Variants in CDC16 observed in about 807,000 individuals in gnomAD.
CDC16 encodes cell division cycle protein 16 homolog.
CDC16 carries 34 observed loss-of-function variants against 87.0 expected under a neutral mutation model. The ratio of observed to expected loss-of-function variants is 0.39; its 90% CI spans 0.30 to 0.52. The LOEUF is 0.52. Ranked by LOEUF, CDC16 falls within the 20% of genes least tolerant of loss-of-function variation. The probability of loss-of-function intolerance (pLI) is 0.74; values close to 1 mark genes in which losing one functional copy is unlikely to be tolerated. For missense variants in CDC16, 653 were observed against 751.9 expected (o/e 0.87, Z 1.54); for synonymous variants, 263 against 260.6 (o/e 1.01, Z -0.09).
At chr13:114,255,141 G>T (rs1166331071) in intron 12 of CDC16, among the ~76,000 whole-genome samples, 2 of 152,158 alleles carry the variant, frequency 1.3e-5, no homozygotes, top group African/African-American at 4.8e-5. Flanking sequence ...TAGCATAAAG[G>T]ACTCCCTTTA....
At chr13:114,239,863 G>A (rs550667059) in intron 5 of CDC16, among the ~76,000 whole-genome samples, 1 of 152,116 alleles carries the variant, frequency 6.6e-6, no homozygotes, top group South Asian at 2.1e-4. Context: ...AAATGGTTTT[G>A]TGTTCTGTTT....
intron 13 of CDC16, among the ~76,000 whole-genome samples, chr13:114,257,499 G>A (rs1368870813): frequency 6.6e-6 from 1 of 152,148 alleles, no homozygotes; most frequent in Non-Finnish European, 1.5e-5. Flanking sequence ...ATACCCCACA[G>A]TGTGGCTGGG....
At chr13:114,266,642 C>T (rs1324910211) in intron 17 of CDC16, among the ~76,000 whole-genome samples, 1 of 152,120 alleles carries the variant, frequency 6.6e-6, no homozygotes, top group Non-Finnish European at 1.5e-5. Flanking sequence ...CAGTTTTTCT[C>T]TGCATGTGTT....
intron 7 of CDC16, 133 bp downstream of exon 7, chr13:114,243,481 T>G: frequency 2.0e-6 from 1 of 507,410 alleles, no homozygotes; most frequent in Non-Finnish European, 3.5e-6. Flanking sequence ...ATAGAGCGTT[T>G]AAGATACATA....
At position 114,272,437 on chromosome 13, in the gene CDC16, C is replaced by T; in HGVS notation, c.1857C>T (p.Ser619=). 1 of 1,613,440 alleles carries T rather than the reference C, an allele frequency of 6.2e-7. No homozygotes were observed. Among genetic ancestry groups the T allele is most frequent in the Non-Finnish European group, 8.5e-7 (1 of 1,179,486 alleles). ...TAGAGACATCTATGTCAGACCACAG[C>T]ACGTGACTCCAGTCAGTGGTCCTGG... The part of the protein sequence containing the change: ...MMLETSMSDH[S]T The change falls in exon 18 of 18, where the codon AGC becomes AGT. Residue 619 remains serine (S), a synonymous_variant. Coordinates refer to ENST00000356221, the MANE Select transcript of CDC16 (RefSeq NM_001078645.3).
chr13:114,270,914 CTTT>C (rs571053869), intron 17 of CDC16, among the ~76,000 whole-genome samples: 6 of 101,162 alleles, frequency 5.9e-5, no homozygotes, highest in Admixed American at 2.5e-4. Flanking sequence ...AGAGATTTAC[CTTT>C]TTTTTTTTTT....
chr13:114,238,127 G>A (rs143868187), intron 3 of CDC16, among the ~76,000 whole-genome samples: 2,972 of 145,494 alleles, frequency 0.02, 1 homozygote, highest in African/African-American at 0.078. Context: ...CTCCTTGGAC[G>A]CCCAGCAGTT....
intron 15 of CDC16, 68 bp downstream of exon 15, chr13:114,262,016 T>C (rs1248108241): frequency 1.3e-5 from 12 of 934,344 alleles, no homozygotes; most frequent in Non-Finnish European, 1.8e-5. Flanking sequence ...TTGAATACTT[T>C]GTCATATTCT....
At chr13:114,251,557 T>C (rs982015483) in intron 12 of CDC16, among the ~76,000 whole-genome samples, 1 of 152,220 alleles carries the variant, frequency 6.6e-6, no homozygotes, top group Non-Finnish European at 1.5e-5. Flanking sequence ...ACTGTTAGGC[T>C]CTTTTTGTCA....
Position 114,259,271 on chromosome 13 carries a change from A to T in CDC16, c.1251-64A>T, listed in dbSNP as rs536663938. ...AGTACTACTAGAAAGGTAATCAAAA[A>T]TTTTTTTAAAGTTTATATTTGCTAA... On this transcript the variant is annotated intron_variant, in intron 13 of 17. Transcript: ENST00000356221. 211 of 1,199,392 alleles carry T rather than the reference A, an allele frequency of 1.8e-4. 1 individual carries two copies. The highest frequency in any genetic ancestry group is 6.7e-4 in the East Asian group (26 of 38,676). The allele number at this position is 1,199,392 out of a possible 1,614,324, so 74.3% of individuals were successfully genotyped here.
chr13:114,265,435 C>T (rs1004733331), intron 17 of CDC16, among the ~76,000 whole-genome samples, 195 bp downstream of exon 17: 14 of 152,118 alleles, frequency 9.2e-5, no homozygotes, highest in African/African-American at 2.9e-4. Flanking sequence ...ACCAAGGGTG[C>T]GTTCAGTTTA....
rs187666577 is a variant in CDC16 at position 114,266,620 on chromosome 13, C to T, written c.1603+1380C>T. ...AACCTGGGTTTCGTTTCCTGCTCTA[C>T]GGCAGTATAAACAGTTTTTCTCTGC... is the stretch of plus-strand genomic sequence containing the variant. On this transcript the variant is annotated intron_variant, in intron 17 of 17. Transcript: ENST00000356221. Among the ~76,000 whole-genome samples the T allele has an allele frequency of 1.3e-3, 192 of 152,280 alleles. 1 individual carries two copies. Among genetic ancestry groups the T allele is most frequent in the South Asian group, 4.4e-3 (21 of 4,824 alleles).
chr13:114,237,291 C>T (rs1045285887), intron 3 of CDC16, among the ~76,000 whole-genome samples: 1 of 151,592 alleles, frequency 6.6e-6, no homozygotes, highest in Non-Finnish European at 1.5e-5. Context: ...TAACTTGATG[C>T]AATTTTTCTT....
chr13:114,251,889 C>T (rs1325001273), intron 12 of CDC16, among the ~76,000 whole-genome samples: 1 of 152,222 alleles, frequency 6.6e-6, no homozygotes, highest in Admixed American at 6.5e-5. Context: ...GAGAACCTTA[C>T]ACGAACCCTA....
At chr13:114,243,765 G>T in intron 7 of CDC16, 91 bp from the exon 8 acceptor site, 1 of 1,061,376 alleles carries the variant, frequency 9.4e-7, no homozygotes, top group Non-Finnish European at 1.4e-6. Context: ...TCTTGTAAAT[G>T]TTTTAACCAC....
At chr13:114,253,933 C>T (rs954600582) in intron 12 of CDC16, among the ~76,000 whole-genome samples, 1 of 152,082 alleles carries the variant, frequency 6.6e-6, no homozygotes, top group African/African-American at 2.4e-5. Flanking sequence ...GTATTTCTCC[C>T]TCCAATTCCG....
At chr13:114,244,012 C>A in intron 8 of CDC16, 23 bp downstream of exon 8, 8 of 1,579,874 alleles carry the variant, frequency 5.1e-6, no homozygotes, top group Non-Finnish European at 6.9e-6. Context: ...ATCCATTTTT[C>A]TGTAGGAACA....
Position 114,243,951 on chromosome 13 carries a change from T to C in CDC16, c.729T>C (p.Tyr243=). The change falls in exon 8 of 18, where the codon TAT becomes TAC. Residue 243 remains tyrosine, a synonymous_variant. Transcript: ENST00000356221. The part of the protein sequence containing the change: ...VVVSLAERHY[Y]NCDFKMCYKL... ...TGTCTTTAGCTGAGAGACATTATTA[T>C]AACTGTGATTTTAAAATGTGCTACA... 6.2e-7 allele frequency: 1 copy of C among 1,606,772 alleles called. No individual in the cohort carries two copies. Among genetic ancestry groups the C allele is most frequent in the Non-Finnish European group, 8.5e-7 (1 of 1,173,574 alleles).
chr13:114,244,321 G>GT (rs1594576749), intron 8 of CDC16, among the ~76,000 whole-genome samples: 1 of 152,228 alleles, frequency 6.6e-6, no homozygotes, highest in Non-Finnish European at 1.5e-5. Flanking sequence ...GATACTAGGT[G>GT]TTTAATATGC....
Sources: gnomAD v4.1 joint callset for allele counts (sites outside exome capture counted in the v4.1 genomes callset) on GRCh38, gnomAD v4.1.1 for gene constraint, MANE v1.5 for transcripts, NCBI Gene and HGNC (gene_info 2026-07-23, HGNC 2026-07-21) for gene names.